The following EBPL variants were observed in gnomAD, a reference collection of about 807,000 sequenced individuals.
EBPL encodes EBP like.
In EBPL, 20 loss-of-function variants were observed where a neutral mutation model predicts 19.0. The observed-to-expected ratio is 1.05, with a 90% CI of 0.74 to 1.53. EBPL has a LOEUF of 1.53. Ranked by LOEUF, EBPL falls within the 40% of genes most tolerant of loss-of-function variation. The probability of loss-of-function intolerance (pLI) is 0.00; values close to 1 mark genes in which losing one functional copy is unlikely to be tolerated. For synonymous variants in EBPL, 107 were observed against 117.0 expected, an observed-to-expected ratio of 0.91 and a Z score of 0.55; for missense variants, 219 against 261.1, an observed-to-expected ratio of 0.84 and a Z score of 1.11.
chr13:49,664,601 G>A (rs1394062321), intron 2 of EBPL, among the ~76,000 whole-genome samples: 2 of 152,104 alleles, frequency 1.3e-5, no homozygotes, highest in African/African-American at 4.8e-5. Context: ...AATACATGCT[G>A]GTCCTAAGAT....
chr13:49,663,444 T>C (rs1325987118), intron 2 of EBPL, among the ~76,000 whole-genome samples: 3 of 152,118 alleles, frequency 2.0e-5, no homozygotes, highest in African/African-American at 7.2e-5. Context: ...TGCTTTCACA[T>C]ACACGCCCTC....
Position 49,691,432 on chromosome 13 carries a change from G to T in EBPL, c.-8C>A. 7.5e-7 allele frequency: 1 copy of T among 1,334,852 alleles called. No individual in the cohort carries two copies. The highest frequency in any genetic ancestry group is 2.4e-4 in the Middle Eastern group (1 of 4,238). 82.7% of individuals were successfully genotyped at this position (1,334,852 alleles called of 1,614,324 possible). A position where few individuals can be genotyped will look rare whatever the true frequency, so the allele number is the denominator to read the frequency against. ...CTCCCACTCAGCGCCCATGCTTCAG[G>T]CTTCCGACGCCAACGGCCCAGGACC... is the stretch of plus-strand genomic sequence containing the variant. On this transcript the variant is annotated 5_prime_UTR_variant, in exon 1 of 4. Transcript: ENST00000242827.
intron 1 of EBPL, among the ~76,000 whole-genome samples, chr13:49,684,673 C>T (rs994170948): frequency 2.0e-5 from 3 of 151,972 alleles, no homozygotes; most frequent in Non-Finnish European, 4.4e-5. Flanking sequence ...GAGACTGTCT[C>T]AAAAAATAAA....
At chr13:49,664,996 A>G (rs964150860) in intron 2 of EBPL, among the ~76,000 whole-genome samples, 2 of 152,174 alleles carry the variant, frequency 1.3e-5, no homozygotes, top group African/African-American at 2.4e-5. Flanking sequence ...TTTCTCCTCT[A>G]AATTTAAATA....
intron 1 of EBPL, among the ~76,000 whole-genome samples, chr13:49,671,681 T>C (rs936599064): frequency 2.0e-5 from 3 of 152,216 alleles, no homozygotes; most frequent in African/African-American, 7.2e-5. Context: ...GGACTGGATT[T>C]GACCCTCTCT....
chr13:49,678,856 T>C (rs1953910472), intron 1 of EBPL, among the ~76,000 whole-genome samples: 1 of 150,424 alleles, frequency 6.6e-6, no homozygotes, highest in South Asian at 2.1e-4. Context: ...TACAAAAAAA[T>C]AAAAATTAGT....
At chr13:49,690,490 C>T (rs961522226) in intron 1 of EBPL, among the ~76,000 whole-genome samples, 3 of 62,410 alleles carry the variant, frequency 4.8e-5, no homozygotes, top group Non-Finnish European at 8.6e-5. Flanking sequence ...TGTGTGTGTG[C>T]GTGCGCGTGT....
intron 2 of EBPL, among the ~76,000 whole-genome samples, chr13:49,666,711 CA>C (rs35086927): frequency 0.14 from 11,545 of 80,616 alleles, 462 homozygotes; most frequent in East Asian, 0.48. Flanking sequence ...GACTCCGTCT[CA>C]AAAAAAAAAA....
intron 1 of EBPL, among the ~76,000 whole-genome samples, chr13:49,688,360 T>C (rs534438597): frequency 5.3e-5 from 8 of 152,244 alleles, no homozygotes; most frequent in African/African-American, 1.7e-4. Context: ...GGCTTGAAAC[T>C]GTCCAACAGG....
rs7322362 is a variant in EBPL, at chr13:49,671,941, C to G, written c.172-2095G>C. Among the ~76,000 whole-genome samples, 650 of 152,344 alleles carry G rather than the reference C, an allele frequency of 4.3e-3. 6 individuals carry two copies. Among genetic ancestry groups the G allele is most frequent in the African/African-American group, 0.015 (616 of 41,570 alleles). ...ACAAATCCGTTTCCTTTTACATCTA[C>G]TTGTTGAAGCTCTACTCATTTTTCA... On this transcript the variant is annotated intron_variant, in intron 1 of 3. Coordinates refer to ENST00000242827, the MANE Select transcript of EBPL (RefSeq NM_032565.5).
chr13:49,682,271 T>C (rs941183206), intron 1 of EBPL, among the ~76,000 whole-genome samples: 12 of 152,356 alleles, frequency 7.9e-5, no homozygotes, highest in African/African-American at 2.9e-4. Flanking sequence ...GTATACTGTT[T>C]GATTTAGGAC....
At chr13:49,661,687 C>T in intron 3 of EBPL, 1 of 932,236 alleles carries the variant, frequency 1.1e-6, no homozygotes, top group African/African-American at 1.8e-5. Context: ...AAATAATAAA[C>T]ACATGGGCAC....
At chr13:49,670,342 C>T (rs1370073231) in intron 1 of EBPL, among the ~76,000 whole-genome samples, 3 of 152,300 alleles carry the variant, frequency 2.0e-5, no homozygotes, top group Middle Eastern at 6.8e-3. Context: ...AGATTTAAAA[C>T]AGTTACAGGC....
chr13:49,673,657 G>A lies in EBPL; in HGVS notation c.172-3811C>T, dbSNP rs538212518. 1.4e-4 allele frequency among the ~76,000 whole-genome samples: 22 copies of A among 152,190 alleles called. No individual in the cohort carries two copies. In the East Asian group the frequency reaches 3.7e-3, roughly 25 times the overall value. ...TCACCATGTTGGCCAGGCTGGTCTC[G>A]AACTCCTGACCTCAAGCGATCCACT... On this transcript the variant is annotated intron_variant, in intron 1 of 3. Coordinates refer to ENST00000242827, the MANE Select transcript of EBPL (RefSeq NM_032565.5).
chr13:49,684,135 T>C (rs570982449), intron 1 of EBPL, among the ~76,000 whole-genome samples: 80 of 152,286 alleles, frequency 5.3e-4, no homozygotes, highest in African/African-American at 1.9e-3. Flanking sequence ...CAAAGGGACA[T>C]GAGAAAACTT....
intron 1 of EBPL, among the ~76,000 whole-genome samples, chr13:49,684,690 T>C (rs1023791095): frequency 1.1e-4 from 16 of 151,962 alleles, no homozygotes; most frequent in African/African-American, 3.9e-4. Context: ...TAAAATTAAA[T>C]TAAACAAAAT....
intron 2 of EBPL, among the ~76,000 whole-genome samples, chr13:49,664,376 C>T (rs939263751): frequency 2.0e-5 from 3 of 152,092 alleles, no homozygotes; most frequent in Non-Finnish European, 4.4e-5. Context: ...GCATCTCCGC[C>T]CACAGGGACA....
Position 49,691,483 on chromosome 13 carries a change from A to G in EBPL, c.-59T>C. 3.2e-6 allele frequency: 4 copies of G among 1,264,756 alleles called. No individual in the cohort carries two copies. Among genetic ancestry groups the G allele is most frequent in the Non-Finnish European group, 4.0e-6 (4 of 1,003,790 alleles). The allele number at this position is 1,264,756 out of a possible 1,614,324, so 78.3% of individuals were successfully genotyped here. A position where few individuals can be genotyped will look rare whatever the true frequency, so the allele number is the denominator to read the frequency against. On this transcript the variant is annotated 5_prime_UTR_variant, in exon 1 of 4. Transcript: ENST00000242827. Reference sequence around the variant, plus strand: ...ATGCGGCAGAGGAAAGCAGGGAGAGAAACGACGGGGCGGGGCTGGCCGGGA... The same window carrying G: ...ATGCGGCAGAGGAAAGCAGGGAGAGGAACGACGGGGCGGGGCTGGCCGGGA...
intron 1 of EBPL, among the ~76,000 whole-genome samples, chr13:49,673,752 T>C (rs1211914609): frequency 1.3e-5 from 2 of 152,184 alleles, no homozygotes; most frequent in Non-Finnish European, 2.9e-5. Context: ...GTTACATTTA[T>C]ATAACATTTT....
Sources: allele counts gnomAD v4.1 joint callset (sites outside exome capture counted in the v4.1 genomes callset), GRCh38; gene constraint gnomAD v4.1.1; transcripts MANE v1.5; gene names NCBI Gene and HGNC (gene_info 2026-07-23, HGNC 2026-07-21).